Variants in SPRED1 observed in about 807,000 individuals in gnomAD.
SPRED1 encodes sprouty related EVH1 domain containing 1.
A neutral mutation model predicts 52.3 loss-of-function variants in SPRED1; 18 were observed. The ratio of observed to expected loss-of-function variants is 0.34; its 90% CI spans 0.24 to 0.51. SPRED1 has a LOEUF of 0.51. SPRED1 is among the 20% of genes least tolerant of loss of function. The pLI, the probability that SPRED1 is intolerant of heterozygous loss-of-function variation, is 0.97. For missense variants in SPRED1, 485 were observed against 551.0 expected, an observed-to-expected ratio of 0.88 and a Z score of 1.20; for synonymous variants, 155 against 179.7, an observed-to-expected ratio of 0.86 and a Z score of 1.10.
chr15:38,265,948 A>C (rs762874829), intron 1 of SPRED1, among the ~76,000 whole-genome samples: 8 of 152,154 alleles, frequency 5.3e-5, no homozygotes, highest in Non-Finnish European at 1.0e-4. Context: ...TGGACGCACT[A>C]TTTCTGCCAG....
chr15:38,280,139 G>A (rs1894656226), intron 1 of SPRED1, among the ~76,000 whole-genome samples: 1 of 152,040 alleles, frequency 6.6e-6, no homozygotes, highest in Non-Finnish European at 1.5e-5. Flanking sequence ...GAAATGATTT[G>A]TTTGGGAAGT....
At chr15:38,349,573 A>AAAAT in intron 6 of SPRED1, 50 bp downstream of exon 6, 2 of 1,253,940 alleles carry the variant, frequency 1.6e-6, no homozygotes, top group Non-Finnish European at 2.3e-6. Flanking sequence ...TAATTAATAG[A>AAAAT]TAGGTAAAGT....
At chr15:38,304,427 G>A (rs930653647) in intron 2 of SPRED1, among the ~76,000 whole-genome samples, 9 of 152,210 alleles carry the variant, frequency 5.9e-5, no homozygotes, top group Admixed American at 1.3e-4. Context: ...CCTATTCACC[G>A]TAATACCACA....
chr15:38,338,990 C>G (rs1327069402), intron 4 of SPRED1, among the ~76,000 whole-genome samples: 1 of 151,950 alleles, frequency 6.6e-6, no homozygotes, highest in African/African-American at 2.4e-5. Flanking sequence ...GCCACTTTTA[C>G]TTGGATATCA....
chr15:38,265,195 C>T (rs1894283370), intron 1 of SPRED1, among the ~76,000 whole-genome samples: 1 of 152,102 alleles, frequency 6.6e-6, no homozygotes, highest in African/African-American at 2.4e-5. Flanking sequence ...AATAACATAA[C>T]CTGTCTTTGT....
chr15:38,315,882 A>G (rs533550806), intron 2 of SPRED1, among the ~76,000 whole-genome samples: 8 of 152,092 alleles, frequency 5.3e-5, no homozygotes, highest in African/African-American at 1.4e-4. Flanking sequence ...AAGATTTACT[A>G]TGTGTCGGGC....
chr15:38,352,534 T>C lies in SPRED1; in HGVS notation c.*870T>C, dbSNP rs1888513431. The C allele has an allele frequency of 6.6e-6, 1 of 152,194 alleles. No individual in the cohort carries two copies. The highest frequency in any genetic ancestry group is 1.5e-5 in the Non-Finnish European group (1 of 67,940). The allele number at this position is 152,194 out of a possible 1,614,324, so 9.4% of individuals were successfully genotyped here. On this transcript the variant is annotated 3_prime_UTR_variant, in exon 7 of 7. Transcript: ENST00000299084. Reference sequence around the variant, plus strand: ...TAAAAAGAGACTGAGTAAACAAACATTATAGAAAAAAAGTGAAGTTTTTTA... The same window carrying C: ...TAAAAAGAGACTGAGTAAACAAACACTATAGAAAAAAAGTGAAGTTTTTTA...
intron 1 of SPRED1, among the ~76,000 whole-genome samples, chr15:38,292,518 G>A (rs1026866976): frequency 1.3e-5 from 2 of 152,166 alleles, no homozygotes; most frequent in Non-Finnish European, 2.9e-5. Context: ...GGCTGGGGAG[G>A]CCTCAGAATC....
chr15:38,286,085 A>G (rs1367624503), intron 1 of SPRED1, among the ~76,000 whole-genome samples: 2 of 152,044 alleles, frequency 1.3e-5, no homozygotes, highest in East Asian at 3.9e-4. Flanking sequence ...CTCTACAGAA[A>G]GTGAAAAAAT....
intron 2 of SPRED1, 70 bp downstream of exon 2, chr15:38,299,617 A>T: frequency 6.8e-7 from 1 of 1,479,332 alleles, no homozygotes. Context: ...TGATTAGTAT[A>T]CTGTTGTGAG....
At chr15:38,275,866 A>G (rs1293044772) in intron 1 of SPRED1, among the ~76,000 whole-genome samples, 2 of 152,134 alleles carry the variant, frequency 1.3e-5, no homozygotes, top group Non-Finnish European at 2.9e-5. Flanking sequence ...TATTCACAAT[A>G]CCCAGGTAAG....
chr15:38,294,877 G>T (rs1042722768), intron 1 of SPRED1, among the ~76,000 whole-genome samples: 1 of 151,960 alleles, frequency 6.6e-6, no homozygotes, highest in Non-Finnish European at 1.5e-5. Flanking sequence ...ATATATATGT[G>T]GCAAAAAAAC....
intron 4 of SPRED1, among the ~76,000 whole-genome samples, chr15:38,334,881 A>G (rs188516367): frequency 5.9e-3 from 493 of 82,946 alleles, no homozygotes; most frequent in African/African-American, 0.017. Flanking sequence ...TGCTGGGTCA[A>G]AAAGTACGGA....
intron 2 of SPRED1, among the ~76,000 whole-genome samples, chr15:38,301,062 TAAG>T (rs1895140737): frequency 6.6e-6 from 1 of 152,096 alleles, no homozygotes; most frequent in African/African-American, 2.4e-5. Flanking sequence ...CGAAAAATTA[TAAG>T]AACAAGGAAA....
intron 2 of SPRED1, among the ~76,000 whole-genome samples, chr15:38,316,567 A>T (rs1289097759): frequency 1.3e-5 from 2 of 151,772 alleles, no homozygotes; most frequent in Non-Finnish European, 2.9e-5. Flanking sequence ...TTCCTCCTTT[A>T]TTATTATAGT....
Position 38,270,533 on chromosome 15 carries a change from C to A in SPRED1, c.32+17316C>A, listed in dbSNP as rs185264518. ...TGGCAGGGAGGCCTCAGGAAACTTACAATCATGGTGGCAGGCAAAGGGGAA... is the reference window on the plus strand; with the variant it reads ...TGGCAGGGAGGCCTCAGGAAACTTAAAATCATGGTGGCAGGCAAAGGGGAA... On this transcript the variant is annotated intron_variant, in intron 1 of 6. Coordinates refer to ENST00000299084, the MANE Select transcript of SPRED1 (RefSeq NM_152594.3). Among the ~76,000 whole-genome samples the A allele has an allele frequency of 7.9e-5, 12 of 152,232 alleles. No individual in the cohort carries two copies. The East Asian group carries it at 2.1e-3, about 27-fold the overall frequency.
At chr15:38,266,837 G>A (rs75734007) in intron 1 of SPRED1, among the ~76,000 whole-genome samples, 3 of 150,304 alleles carry the variant, frequency 2.0e-5, no homozygotes, top group Non-Finnish European at 4.4e-5. Context: ...GAGCCAAAAA[G>A]AAAAAAAAAA....
chr15:38,324,806 A>T lies in SPRED1; in HGVS notation c.420A>T (p.Leu140Phe). 6.2e-7 allele frequency: 1 copy of T among 1,611,952 alleles called. No individual in the cohort carries two copies. The highest frequency in any genetic ancestry group is 8.5e-7 in the Non-Finnish European group (1 of 1,178,906). ...ATGAAGCTGAAGGGGCAGATGACTT[A>T]CAAGTAAGTAATGGCTTGGAAGGAA... Reference protein sequence around the residue: ...SKNEAEGADDLQANEEDSSSS... With the variant: ...SKNEAEGADDFQANEEDSSSS... Residue 140 changes from leucine to phenylalanine, a missense_variant, in exon 4 of 7, where the codon TTA becomes TTT. Leu to Phe is a conservative substitution (Grantham distance 22). Around this residue, in one of 5 missense-constraint regions of SPRED1, gnomAD observed 232 missense variants for 231.8 expected, o/e 1.00. Coordinates refer to ENST00000299084, the MANE Select transcript of SPRED1 (RefSeq NM_152594.3).
intron 1 of SPRED1, among the ~76,000 whole-genome samples, chr15:38,274,783 T>G (rs1205461967): frequency 6.6e-6 from 1 of 152,196 alleles, no homozygotes; most frequent in East Asian, 1.9e-4. Context: ...CCTTGACACT[T>G]TTGAAGAGTA....
Sources: allele counts gnomAD v4.1 joint callset (sites outside exome capture counted in the v4.1 genomes callset), GRCh38; gene constraint gnomAD v4.1.1; regional missense constraint gnomAD v4.1.1; transcripts MANE v1.5; gene names NCBI Gene and HGNC (gene_info 2026-07-23, HGNC 2026-07-21).